STARD13: variants seen among roughly 807,000 people sequenced by gnomAD.
STARD13 encodes the protein StAR related lipid transfer domain containing 13, also known as stAR-related lipid transfer protein 13.
A neutral mutation model predicts 106.4 loss-of-function variants in STARD13; 62 were observed. The ratio of observed to expected loss-of-function variants is 0.58; its 90% CI spans 0.48 to 0.72. The LOEUF is 0.72. STARD13 is among the 30% of genes least tolerant of loss of function. The pLI is 0.00. For synonymous variants in STARD13, 565 were observed against 553.0 expected (o/e 1.02, Z -0.31); for missense variants, 1,387 against 1,424.0 (o/e 0.97, Z 0.42).
chr13:33,415,876 A>T, the STARD13 span, among the ~76,000 whole-genome samples: 1 of 152,244 alleles, frequency 6.6e-6, no homozygotes. Flanking sequence ...AGATTAGAAA[A>T]GTGCATTAGC....
chr13:33,587,710 T>G, the STARD13 span, among the ~76,000 whole-genome samples: 3 of 152,212 alleles, frequency 2.0e-5, no homozygotes, highest in African/African-American at 7.2e-5. Context: ...TTCCAGCCAA[T>G]GCGTCTGAAT....
At chr13:33,652,384 AT>A in the STARD13 span, among the ~76,000 whole-genome samples, 2 of 152,366 alleles carry the variant, frequency 1.3e-5, no homozygotes, top group South Asian at 4.1e-4. Flanking sequence ...CCACAATTTG[AT>A]GATTGCATAT....
chr13:33,675,290 A>C, the STARD13 span, among the ~76,000 whole-genome samples: 1 of 152,194 alleles, frequency 6.6e-6, no homozygotes, highest in Non-Finnish European at 1.5e-5. Flanking sequence ...CACCTACCCT[A>C]ATCTGTGCGC....
At chr13:33,613,881 T>G in the STARD13 span, among the ~76,000 whole-genome samples, 4 of 152,096 alleles carry the variant, frequency 2.6e-5, no homozygotes, top group African/African-American at 9.7e-5. Flanking sequence ...GGGCTAAAAG[T>G]GCAGATGTGA....
the STARD13 span, among the ~76,000 whole-genome samples, chr13:33,628,752 G>A: frequency 6.6e-6 from 1 of 152,170 alleles, no homozygotes; most frequent in African/African-American, 2.4e-5. Flanking sequence ...CCGCATTGTA[G>A]GGGATGAACA....
chr13:33,598,109 C>T, the STARD13 span, among the ~76,000 whole-genome samples: 1 of 152,172 alleles, frequency 6.6e-6, no homozygotes, highest in Non-Finnish European at 1.5e-5. Context: ...TGTTCATGGT[C>T]TCTTCTACCC....
chr13:33,260,797 TA>T (rs1270766082), intron 1 of STARD13, among the ~76,000 whole-genome samples: 1 of 152,260 alleles, frequency 6.6e-6, no homozygotes, highest in East Asian at 1.9e-4. Context: ...TGTAATATCT[TA>T]ATAAACAGGA....
chr13:33,470,445 G>A, the STARD13 span, among the ~76,000 whole-genome samples: 1 of 152,164 alleles, frequency 6.6e-6, no homozygotes, highest in Admixed American at 6.5e-5. Flanking sequence ...ACCCAGTAAT[G>A]GGCTTGCTGG....
intron 1 of STARD13, among the ~76,000 whole-genome samples, chr13:33,310,943 A>G (rs768070224): frequency 5.9e-5 from 9 of 152,072 alleles, no homozygotes; most frequent in Admixed American, 1.3e-4. Flanking sequence ...CTGTAACCCA[A>G]TGGTAAGTAT....
chr13:33,282,945 G>A (rs778045852), intron 1 of STARD13, among the ~76,000 whole-genome samples: 7 of 151,968 alleles, frequency 4.6e-5, no homozygotes, highest in African/African-American at 4.8e-5. Flanking sequence ...TGGAAGGATC[G>A]CTTGAGCCCA....
chr13:33,631,799 T>C, the STARD13 span, among the ~76,000 whole-genome samples: 8 of 152,200 alleles, frequency 5.3e-5, no homozygotes, highest in Admixed American at 1.3e-4. Flanking sequence ...CAAAATACCA[T>C]ATTCAGAGAT....
chr13:33,371,731 C>A, the STARD13 span, among the ~76,000 whole-genome samples: 1 of 152,288 alleles, frequency 6.6e-6, no homozygotes, highest in Middle Eastern at 3.4e-3. Flanking sequence ...AAAACGGAGA[C>A]CCTCTGAGGT....
the STARD13 span, among the ~76,000 whole-genome samples, chr13:33,617,764 G>C: frequency 1.3e-5 from 2 of 152,150 alleles, no homozygotes; most frequent in Non-Finnish European, 2.9e-5. Flanking sequence ...ACTGGTATAG[G>C]GGCTGGGCTT....
the STARD13 span, among the ~76,000 whole-genome samples, chr13:33,439,418 TTA>T: frequency 6.6e-6 from 1 of 152,260 alleles, no homozygotes; most frequent in Non-Finnish European, 1.5e-5. Flanking sequence ...TAAAGACTGG[TTA>T]TGCAAAGCAA....
the STARD13 span, among the ~76,000 whole-genome samples, chr13:33,405,514 T>C: frequency 6.6e-6 from 1 of 152,256 alleles, no homozygotes; most frequent in African/African-American, 2.4e-5. Context: ...CTGAGAATCG[T>C]TGAAGTCTGT....
intron 1 of STARD13, among the ~76,000 whole-genome samples, chr13:33,244,000 T>C (rs1191922230): frequency 2.0e-5 from 3 of 146,512 alleles, no homozygotes; most frequent in South Asian, 2.2e-4. Context: ...ACCAGAAGTG[T>C]TTCAGATTCC....
the STARD13 span, among the ~76,000 whole-genome samples, chr13:33,425,558 TTAG>T: frequency 6.6e-6 from 1 of 152,188 alleles, no homozygotes; most frequent in African/African-American, 2.4e-5. Context: ...TCACTAGAAC[TTAG>T]TGGCCAGTTG....
rs1893045362 is a variant in STARD13, at chr13:33,309,332, C to G, written c.124+40958G>C. Among the ~76,000 whole-genome samples, 2 of 152,182 alleles carry G rather than the reference C, an allele frequency of 1.3e-5. 1 individual carries two copies. The highest frequency in any genetic ancestry group is 4.2e-4 in the South Asian group (2 of 4,806). On this transcript the variant is annotated intron_variant, in intron 1 of 5. Transcript: ENST00000567873. ...GGACGCAAGCAATATATCCAGGGCC[C>G]AGAGAAAGCGGCAGAGCTGGAAGTA...
At chr13:33,500,388 G>T in the STARD13 span, among the ~76,000 whole-genome samples, 1 of 152,140 alleles carries the variant, frequency 6.6e-6, no homozygotes, top group African/African-American at 2.4e-5. Flanking sequence ...CTAAGGATTA[G>T]AAAACCAGCA....
Sources: gnomAD v4.1 joint callset for allele counts (sites outside exome capture counted in the v4.1 genomes callset) on GRCh38, gnomAD v4.1.1 for gene constraint, MANE v1.5 for transcripts, NCBI Gene and HGNC (gene_info 2026-07-23, HGNC 2026-07-21) for gene names.